ADAMTSL3: variants seen among roughly 807,000 people sequenced by gnomAD.
The protein encoded by ADAMTSL3 is ADAMTS-like protein 3.
ADAMTSL3 carries 128 observed loss-of-function variants against 201.7 expected under a neutral mutation model. That is an observed-to-expected ratio of 0.63 (90% CI 0.55 to 0.73). The LOEUF (loss-of-function observed/expected upper bound fraction) is 0.73, where lower values mean the gene tolerates loss of function less well. Among genes scored for constraint, ADAMTSL3 ranks in the 30% least tolerant of loss-of-function variants. The pLI is 0.00. For synonymous variants in ADAMTSL3, 738 were observed against 748.4 expected (o/e 0.99, Z 0.23); for missense variants, 1,990 against 2,119.6 (o/e 0.94, Z 1.20).
rs539877964 is a variant in ADAMTSL3 at position 83,821,971 on chromosome 15, C to G, written c.600+1924C>G. On this transcript the variant is annotated intron_variant, in intron 6 of 29. Coordinates refer to ENST00000286744, the MANE Select transcript of ADAMTSL3 (RefSeq NM_207517.3). The stretch of plus-strand genomic sequence containing the variant: ...CCGGGCAGAGGCGCCCCTCACCTCC[C>G]GGACGGGGCTGCTGGCCGGGCGGGT... Among the ~76,000 whole-genome samples the G allele has an allele frequency of 4.9e-3, 728 of 148,722 alleles. 7 individuals carry two copies. The highest frequency in any genetic ancestry group is 8.1e-3 in the Non-Finnish European group (542 of 66,686).
chr15:83,804,815 A>G (rs1567156469), intron 5 of ADAMTSL3, 120 bp downstream of exon 5: 1 of 650,464 alleles, frequency 1.5e-6, no homozygotes, highest in Middle Eastern at 4.1e-4. Flanking sequence ...AAACTTAAGT[A>G]TTTCTTTAAT....
chr15:84,019,969 G>A (rs2068167773), intron 25 of ADAMTSL3, among the ~76,000 whole-genome samples: 1 of 150,924 alleles, frequency 6.6e-6, no homozygotes, highest in Admixed American at 6.6e-5. Flanking sequence ...TAAAACTAAT[G>A]TATACTGATA....
chr15:83,677,258 G>C (rs1197895459), intron 2 of ADAMTSL3, among the ~76,000 whole-genome samples: 1 of 152,090 alleles, frequency 6.6e-6, no homozygotes, highest in Non-Finnish European at 1.5e-5. Flanking sequence ...GCTGTTGTTG[G>C]GTGGAGTGTT....
rs1240619931 is a variant in ADAMTSL3, at chr15:83,858,929, C to T, written c.802+89C>T. On this transcript the variant is annotated intron_variant, in intron 8 of 29. Coordinates refer to ENST00000286744, the MANE Select transcript of ADAMTSL3 (RefSeq NM_207517.3). The stretch of plus-strand genomic sequence containing the variant: ...AAAAACAAAAAACCCACAAACCAAA[C>T]CAACAAGCAAAAAAACTTTCTCTAA... The T allele has an allele frequency of 1.3e-5, 15 of 1,139,982 alleles. No individual in the cohort carries two copies. The South Asian group carries it at 1.8e-4, about 14-fold the overall frequency. The allele number at this position is 1,139,982 out of a possible 1,614,324, so 70.6% of individuals were successfully genotyped here.
Position 84,037,830 on chromosome 15 carries a change from G to T in ADAMTSL3, c.*24G>T, listed in dbSNP as rs2068538991. 6.3e-6 allele frequency: 10 copies of T among 1,586,320 alleles called. No individual in the cohort carries two copies. Among genetic ancestry groups the T allele is most frequent in the African/African-American group, 1.4e-5 (1 of 73,070 alleles). On this transcript the variant is annotated 3_prime_UTR_variant, in exon 30 of 30. Coordinates refer to ENST00000286744, the MANE Select transcript of ADAMTSL3 (RefSeq NM_207517.3). ...AAACCTTTGGAGGGGTCATGATGCT[G>T]CTGTGAAGATAAAAGTAGAATATAA...
At chr15:83,713,525 T>C (rs76236359) in intron 3 of ADAMTSL3, among the ~76,000 whole-genome samples, 26 of 152,098 alleles carry the variant, frequency 1.7e-4, no homozygotes, top group South Asian at 2.1e-4. Context: ...CTTTTTTTTT[T>C]CTCTTATTAC....
chr15:84,027,667 G>A (rs555968464), intron 27 of ADAMTSL3, among the ~76,000 whole-genome samples: 5 of 152,032 alleles, frequency 3.3e-5, no homozygotes, highest in South Asian at 2.1e-4. Context: ...CTGAGACCAC[G>A]CCACTGCACT....
chr15:84,030,689 T>A (rs1239402598), intron 27 of ADAMTSL3, among the ~76,000 whole-genome samples: 1 of 152,172 alleles, frequency 6.6e-6, no homozygotes, highest in Non-Finnish European at 1.5e-5. Context: ...CATGAATGCT[T>A]TTGAAATGTG....
chr15:83,714,791 T>TTCTTTCTTTTTCTC lies in ADAMTSL3; in HGVS notation c.189+10286_189+10287insTTCTTTTTCTCTCT, dbSNP rs1555433213. On this transcript the variant is annotated intron_variant, in intron 3 of 29. Coordinates refer to ENST00000286744, the MANE Select transcript of ADAMTSL3 (RefSeq NM_207517.3). ...TCTTTCTTTCTTTCTTTCTTTTTCT[T>TTCTTTCTTTTTCTC]TCTCTCTCTTTCTTTCTTCTTTCTT... Among the ~76,000 whole-genome samples, 37 of 78,888 alleles carry TTCTTTCTTTTTCTC rather than the reference T, an allele frequency of 4.7e-4. 5 individuals are homozygous for TTCTTTCTTTTTCTC. Among genetic ancestry groups the TTCTTTCTTTTTCTC allele is most frequent in the Middle Eastern group, 0.011 (2 of 178 alleles). The allele number at this position is 78,888 out of a possible 152,430, so 51.8% of individuals were successfully genotyped here. A position where few individuals can be genotyped will look rare whatever the true frequency, so the allele number is the denominator to read the frequency against.
intron 23 of ADAMTSL3, among the ~76,000 whole-genome samples, chr15:84,002,940 T>TCTTTTC (rs60901837): frequency 8.9e-5 from 12 of 135,036 alleles, no homozygotes; most frequent in African/African-American, 1.7e-4. Context: ...TCTTTTCTTT[T>TCTTTTC]TTTTTTTTTT....
intron 2 of ADAMTSL3, among the ~76,000 whole-genome samples, chr15:83,660,939 A>G (rs1274530075): frequency 6.7e-6 from 1 of 148,416 alleles, no homozygotes; most frequent in Admixed American, 6.7e-5. Flanking sequence ...TCTTTAATCC[A>G]TCTTGAATTG....
intron 8 of ADAMTSL3, among the ~76,000 whole-genome samples, chr15:83,864,162 A>G (rs904183120): frequency 6.6e-6 from 1 of 152,222 alleles, no homozygotes; most frequent in African/African-American, 2.4e-5. Flanking sequence ...AGATGGATTC[A>G]CAGCTGAATT....
chr15:83,779,417 G>A (rs6602987), intron 4 of ADAMTSL3, among the ~76,000 whole-genome samples: 48,650 of 151,798 alleles, frequency 0.32, 8,661 homozygotes, highest in South Asian at 0.54. Context: ...AAACAATCTC[G>A]GCTGGGTGCA....
chr15:83,773,454 A>G (rs2063018842), intron 3 of ADAMTSL3, 69 bp from the exon 4 acceptor site: 1 of 1,536,606 alleles, frequency 6.5e-7, no homozygotes, highest in African/African-American at 1.4e-5. Context: ...GATTTGGGAT[A>G]TTTCTACCAC....
At chr15:83,771,740 C>T (rs1019466661) in intron 3 of ADAMTSL3, among the ~76,000 whole-genome samples, 1 of 152,342 alleles carries the variant, frequency 6.6e-6, no homozygotes, top group South Asian at 2.1e-4. Context: ...AATGAGTGTG[C>T]AGATATCTCT....
At chr15:83,828,771 C>G (rs1027646314) in intron 6 of ADAMTSL3, among the ~76,000 whole-genome samples, 1 of 152,158 alleles carries the variant, frequency 6.6e-6, no homozygotes, top group Non-Finnish European at 1.5e-5. Context: ...TTTTCTGCAT[C>G]TATTGAGATA....
At chr15:83,774,383 C>T (rs761299873) in intron 4 of ADAMTSL3, among the ~76,000 whole-genome samples, 1 of 152,216 alleles carries the variant, frequency 6.6e-6, no homozygotes. Flanking sequence ...AGTAGAAATG[C>T]AGGGAGAGCA....
At chr15:84,020,547 C>T (rs1281503751) in intron 25 of ADAMTSL3, among the ~76,000 whole-genome samples, 1 of 152,178 alleles carries the variant, frequency 6.6e-6, no homozygotes, top group Non-Finnish European at 1.5e-5. Context: ...TTAAAACGAA[C>T]TTCAAAAATC....
chr15:84,000,948 G>A (rs1477086420), intron 23 of ADAMTSL3, among the ~76,000 whole-genome samples: 1 of 152,142 alleles, frequency 6.6e-6, no homozygotes, highest in Non-Finnish European at 1.5e-5. Flanking sequence ...CATTTTATTG[G>A]CAAAGAGGAG....
Sources: allele counts gnomAD v4.1 joint callset (sites outside exome capture counted in the v4.1 genomes callset), GRCh38; gene constraint gnomAD v4.1.1; transcripts MANE v1.5; gene names NCBI Gene and HGNC (gene_info 2026-07-23, HGNC 2026-07-21).